The following WWOX variants were observed in gnomAD, a reference collection of about 807,000 sequenced individuals.
The protein encoded by WWOX is WW domain-containing oxidoreductase.
A neutral mutation model predicts 46.2 loss-of-function variants in WWOX; 69 were observed. The ratio of observed to expected loss-of-function variants is 1.49; its 90% confidence interval spans 1.23 to 1.82. WWOX has a LOEUF of 1.82. Ranked by LOEUF, WWOX falls within the 40% of genes most tolerant of loss-of-function variation. WWOX has a pLI of 0.00. For synonymous variants in WWOX, 359 were observed against 202.6 expected, an observed-to-expected ratio of 1.77 and a Z score of -6.56; for missense variants, 919 against 542.6, an observed-to-expected ratio of 1.69 and a Z score of -6.89.
intron 8 of WWOX, among the ~76,000 whole-genome samples, chr16:78,692,533 A>C (rs537042263): frequency 6.6e-6 from 1 of 152,172 alleles, no homozygotes; most frequent in African/African-American, 2.4e-5. Flanking sequence ...AAGACGTCCA[A>C]GGAGCTCTTA....
chr16:78,585,664 T>A (rs1459214074), intron 8 of WWOX, among the ~76,000 whole-genome samples: 1 of 151,204 alleles, frequency 6.6e-6, no homozygotes, highest in Non-Finnish European at 1.5e-5. Context: ...TTTTCTTTTG[T>A]TTTGTTTTGG....
In WWOX at chr16:78,764,456, T is replaced by G. The variant is rs565311147; in HGVS notation, c.1056+331704T>G. ...GGTAGGGAGGTGCTTCTTCTGGGAG[T>G]GGGTTTGTAAAATTAAGACTGTTTT... On this transcript the variant is annotated intron_variant, in intron 8 of 8. Coordinates refer to ENST00000566780, the MANE Select transcript of WWOX (RefSeq NM_016373.4). Among the ~76,000 whole-genome samples the G allele has an allele frequency of 1.8e-3, 266 of 149,926 alleles. 3 individuals carry two copies. The highest frequency in any genetic ancestry group is 6.3e-3 in the African/African-American group (257 of 40,700).
At chr16:78,910,386 A>G (rs1597138481) in intron 8 of WWOX, among the ~76,000 whole-genome samples, 1 of 151,968 alleles carries the variant, frequency 6.6e-6, no homozygotes, top group East Asian at 1.9e-4. Context: ...TGCAAGAATT[A>G]AGCTTTTTCT....
At chr16:78,557,424 G>A (rs958080010) in intron 8 of WWOX, among the ~76,000 whole-genome samples, 1 of 152,142 alleles carries the variant, frequency 6.6e-6, no homozygotes, top group East Asian at 1.9e-4. Context: ...GTTAGCACGT[G>A]CAGGCACCAT....
At chr16:78,856,013 T>C (rs2052557754) in intron 8 of WWOX, among the ~76,000 whole-genome samples, 1 of 152,212 alleles carries the variant, frequency 6.6e-6, no homozygotes, top group Non-Finnish European at 1.5e-5. Context: ...TAACTTTATC[T>C]AACTTTACTT....
At chr16:78,968,158 G>T (rs112159587) in intron 8 of WWOX, among the ~76,000 whole-genome samples, 1 of 17,026 alleles carries the variant, frequency 5.9e-5, no homozygotes, top group Non-Finnish European at 1.7e-4. Context: ...CGTGGTCCGC[G>T]TGGCACAGCG....
intron 8 of WWOX, among the ~76,000 whole-genome samples, chr16:78,950,900 G>A (rs1334302629): frequency 6.6e-6 from 1 of 152,138 alleles, no homozygotes; most frequent in Admixed American, 6.5e-5. Context: ...TGTGGTAGCT[G>A]AAGGCCCAAG....
Position 78,307,072 on chromosome 16 carries a change from G to A in WWOX, c.517-79788G>A, listed in dbSNP as rs535074617. On this transcript the variant is annotated intron_variant, in intron 5 of 8. Coordinates refer to ENST00000566780, the MANE Select transcript of WWOX (RefSeq NM_016373.4). The stretch of plus-strand genomic sequence containing the variant: ...ACCCATTAATAACTTCCAACTTTTT[G>A]AGCCTCTACCATATCTTGTTTTCAC... Among the ~76,000 whole-genome samples, 310 of 152,134 alleles carry A rather than the reference G, an allele frequency of 2.0e-3. 2 individuals carry two copies. The highest frequency in any genetic ancestry group is 7.1e-3 in the African/African-American group (294 of 41,492).
intron 8 of WWOX, among the ~76,000 whole-genome samples, chr16:78,827,262 A>G (rs1029358266): frequency 6.6e-6 from 1 of 152,194 alleles, no homozygotes; most frequent in Non-Finnish European, 1.5e-5. Context: ...CTCACTGTCC[A>G]AGTGCTGGGC....
At chr16:78,382,049 G>T (rs1468659390) in intron 5 of WWOX, among the ~76,000 whole-genome samples, 1 of 152,056 alleles carries the variant, frequency 6.6e-6, no homozygotes, top group Non-Finnish European at 1.5e-5. Flanking sequence ...TTTTTTATAT[G>T]GCCCATATTC....
chr16:78,264,023 T>TTTTTTTTTTTTTTTTG (rs1163360610), intron 5 of WWOX, among the ~76,000 whole-genome samples: 1 of 148,338 alleles, frequency 6.7e-6, no homozygotes, highest in Non-Finnish European at 1.5e-5. Context: ...TTTGTTTTTT[T>TTTTTTTTTTTTTTTTG]GCTGTGGAGC....
chr16:78,370,980 C>CT (rs66999008), intron 5 of WWOX, among the ~76,000 whole-genome samples: 1,984 of 134,380 alleles, frequency 0.015, 74 homozygotes, highest in Admixed American at 0.086. Context: ...GTTGTGATTT[C>CT]TTTTTTTTTT....
intron 8 of WWOX, among the ~76,000 whole-genome samples, chr16:78,454,900 C>A (rs1008204175): frequency 6.6e-6 from 1 of 152,240 alleles, no homozygotes; most frequent in African/African-American, 2.4e-5. Context: ...CGCTAGATCA[C>A]AGTCTGTTCT....
intron 8 of WWOX, among the ~76,000 whole-genome samples, chr16:78,814,357 T>A (rs1245376211): frequency 2.0e-5 from 3 of 152,190 alleles, no homozygotes; most frequent in African/African-American, 7.2e-5. Context: ...CTTTTCTATA[T>A]TAATTCAAAT....
intron 5 of WWOX, among the ~76,000 whole-genome samples, chr16:78,236,153 A>G (rs923251974): frequency 1.3e-5 from 2 of 152,210 alleles, no homozygotes; most frequent in African/African-American, 4.8e-5. Flanking sequence ...CAGACTTTGG[A>G]TGTCTCATAT....
intron 8 of WWOX, among the ~76,000 whole-genome samples, chr16:79,168,923 G>A (rs1463094290): frequency 1.3e-5 from 2 of 152,114 alleles, no homozygotes; most frequent in African/African-American, 4.8e-5. Flanking sequence ...AAAGTTAAAG[G>A]TTTTCCTTAT....
chr16:78,603,205 G>A (rs900608654), intron 8 of WWOX, among the ~76,000 whole-genome samples: 1 of 152,164 alleles, frequency 6.6e-6, no homozygotes, highest in Non-Finnish European at 1.5e-5. Flanking sequence ...ACCTGGAGAA[G>A]TGCCAATATC....
chr16:78,878,061 A>G (rs1175038010), intron 8 of WWOX, among the ~76,000 whole-genome samples: 2 of 152,170 alleles, frequency 1.3e-5, no homozygotes, highest in African/African-American at 4.8e-5. Context: ...AAGACAAAGC[A>G]TTCCCTGTAG....
At chr16:78,435,452 A>G (rs900829124) in intron 8 of WWOX, among the ~76,000 whole-genome samples, 5 of 152,192 alleles carry the variant, frequency 3.3e-5, no homozygotes, top group African/African-American at 1.2e-4. Context: ...GTCCTCTGGG[A>G]GCAGCCTTGG....
Sources: allele counts gnomAD v4.1 joint callset (sites outside exome capture counted in the v4.1 genomes callset), GRCh38; gene constraint gnomAD v4.1.1; transcripts MANE v1.5; gene names NCBI Gene and HGNC (gene_info 2026-07-23, HGNC 2026-07-21).